CMTR1: variants seen among roughly 807,000 people sequenced by gnomAD.
CMTR1 encodes cap-specific mRNA (nucleoside-2'-O-)-methyltransferase 1.
CMTR1 carries 39 observed loss-of-function variants against 107.0 expected under a neutral mutation model. That is an observed-to-expected ratio of 0.36 (90% CI 0.28 to 0.48). The LOEUF (loss-of-function observed/expected upper bound fraction) is 0.48, where lower values mean the gene tolerates loss of function less well. Ranked by LOEUF, CMTR1 falls within the 20% of genes least tolerant of loss-of-function variation. The pLI, the probability that CMTR1 is intolerant of heterozygous loss-of-function variation, is 0.99. For synonymous variants in CMTR1, 366 were observed against 379.5 expected (o/e 0.96, Z 0.41); for missense variants, 672 against 1,064.9 (o/e 0.63, Z 5.14).
chr6:37,470,851 T>G (rs1761608603), intron 13 of CMTR1, among the ~76,000 whole-genome samples, 170 bp from the exon 14 acceptor site: 1 of 152,176 alleles, frequency 6.6e-6, no homozygotes, highest in Non-Finnish European at 1.5e-5. Flanking sequence ...CATCCTTCAG[T>G]AAGCCCCACA....
chr6:37,431,485 A>G (rs2776901), upstream of CMTR1, among the ~76,000 whole-genome samples: 24,341 of 152,176 alleles, frequency 0.16, 4,611 homozygotes, highest in African/African-American at 0.46. Flanking sequence ...GTAAATATCT[A>G]TTGAGCACTG....
At chr6:37,464,933 GACAA>G (rs1761475515) in intron 13 of CMTR1, among the ~76,000 whole-genome samples, 2 of 121,534 alleles carry the variant, frequency 1.6e-5, no homozygotes, top group Non-Finnish European at 3.4e-5. Context: ...TGTGTGTACA[GACAA>G]ACAATAAAAC....
intron 13 of CMTR1, among the ~76,000 whole-genome samples, chr6:37,465,381 T>C (rs1561789661): frequency 6.6e-6 from 1 of 152,208 alleles, no homozygotes; most frequent in Non-Finnish European, 1.5e-5. Context: ...CATTTGGTAT[T>C]ATCAGTCTTT....
chr6:37,441,657 G>A (rs915173854), intron 2 of CMTR1, among the ~76,000 whole-genome samples: 15 of 152,070 alleles, frequency 9.9e-5, no homozygotes, highest in African/African-American at 2.7e-4. Flanking sequence ...CAGGTGATCC[G>A]CCCGCCTCGC....
At chr6:37,449,271 T>TTGTTATGTTA (rs71542111) in intron 4 of CMTR1, among the ~76,000 whole-genome samples, 46,068 of 145,106 alleles carry the variant, frequency 0.32, 7,691 homozygotes, top group Middle Eastern at 0.38. Context: ...ATTTTATGTT[T>TTGTTATGTTA]TGTTATGTTA....
At chr6:37,478,330 G>A in intron 21 of CMTR1, 79 bp from the exon 22 acceptor site, 2 of 1,101,458 alleles carry the variant, frequency 1.8e-6, no homozygotes, top group Non-Finnish European at 1.4e-6. Context: ...TGCAGTTGGG[G>A]TGATTTTATT....
chr6:37,428,057 A>AGAGAGAGG, the CMTR1 span, among the ~76,000 whole-genome samples: 729 of 143,136 alleles, frequency 5.1e-3, 9 homozygotes, highest in South Asian at 0.012. Flanking sequence ...AGAGAGAGAG[A>AGAGAGAGG]GAGAAACTCT....
intron 23 of CMTR1, among the ~76,000 whole-genome samples, chr6:37,479,573 G>T (rs1761814006): frequency 6.6e-6 from 1 of 152,222 alleles, no homozygotes; most frequent in South Asian, 2.1e-4. Context: ...TGGCCTGATG[G>T]TGGGAACCTG....
intron 2 of CMTR1, among the ~76,000 whole-genome samples, chr6:37,443,498 G>A (rs1771718820): frequency 6.6e-6 from 1 of 152,006 alleles, no homozygotes; most frequent in Non-Finnish European, 1.5e-5. Context: ...TGGATTACAG[G>A]CACGCACTAC....
At position 37,461,588 on chromosome 6, in the gene CMTR1, C is replaced by T. The variant is rs763480457; in HGVS notation, c.1135C>T (p.Leu379Phe). The T allele has an allele frequency of 5.6e-6, 9 of 1,611,554 alleles. No homozygotes were observed. The Admixed American group carries it at 1.3e-4, about 24-fold the overall frequency. ...GGGGCAGGAGAACCTGCAGGAGATC[C>T]TCAGCAAGCAGCTGCTTCTGTGTCA... ...VEGQENLQEI[L>F]SKQLLLCQFL... is the part of the protein sequence containing the mutation. The change falls in exon 11 of 24, where the codon CTC becomes TTC. Residue 379 changes from leucine (L) to phenylalanine (F), a missense_variant. Physicochemically the swap from Leu to Phe is conservative, Grantham distance 22. Transcript: ENST00000373451.
chr6:37,436,549 G>A (rs890069961), intron 2 of CMTR1, among the ~76,000 whole-genome samples: 3 of 152,198 alleles, frequency 2.0e-5, no homozygotes, highest in Admixed American at 6.5e-5. Flanking sequence ...TCCCTCAAAG[G>A]CTCTTGGGAA....
At chr6:37,461,891 A>G (rs1212277062) in intron 11 of CMTR1, 79 bp from the exon 12 acceptor site, 1 of 1,510,572 alleles carries the variant, frequency 6.6e-7, no homozygotes, top group African/African-American at 1.4e-5. Flanking sequence ...TGACTTTGTC[A>G]TATTTACTCC....
At chr6:37,457,081 G>A (rs868323088) in intron 8 of CMTR1, among the ~76,000 whole-genome samples, 24 of 151,748 alleles carry the variant, frequency 1.6e-4, no homozygotes, top group African/African-American at 3.9e-4. Flanking sequence ...TTTGTTGAGC[G>A]TGGTGGTGTG....
chr6:37,448,535 A>G (rs1311033869), intron 4 of CMTR1, among the ~76,000 whole-genome samples: 3 of 152,236 alleles, frequency 2.0e-5, no homozygotes, highest in Non-Finnish European at 2.9e-5. Flanking sequence ...AGATTTGACC[A>G]GGAGAAGAAG....
chr6:37,429,566 A>G (rs1054766323), upstream of CMTR1, among the ~76,000 whole-genome samples: 1 of 152,236 alleles, frequency 6.6e-6, no homozygotes, highest in African/African-American at 2.4e-5. Context: ...ATACAAAAAT[A>G]ATCTGATTGG....
chr6:37,446,997 ACT>A (rs1354974409), intron 4 of CMTR1, among the ~76,000 whole-genome samples: 2 of 152,074 alleles, frequency 1.3e-5, no homozygotes, highest in Admixed American at 6.5e-5. Flanking sequence ...ACCAAAGGAA[ACT>A]CTCATTATCC....
At chr6:37,459,387 G>A (rs1761358288) in intron 9 of CMTR1, among the ~76,000 whole-genome samples, 179 bp from the exon 10 acceptor site, 1 of 152,222 alleles carries the variant, frequency 6.6e-6, no homozygotes, top group South Asian at 2.1e-4. Context: ...TTGGGACTGT[G>A]TTTCATTATA....
chr6:37,441,666 G>A (rs1285851219), intron 2 of CMTR1, among the ~76,000 whole-genome samples: 4 of 152,076 alleles, frequency 2.6e-5, no homozygotes, highest in South Asian at 4.1e-4. Flanking sequence ...CGCCCGCCTC[G>A]CCTCCCAAAT....
At chr6:37,441,873 C>T (rs1424776563) in intron 2 of CMTR1, among the ~76,000 whole-genome samples, 2 of 152,132 alleles carry the variant, frequency 1.3e-5, no homozygotes, top group Non-Finnish European at 2.9e-5. Context: ...GTGACGTTTG[C>T]CAGATTGGTT....
Sources: allele counts gnomAD v4.1 joint callset (sites outside exome capture counted in the v4.1 genomes callset), GRCh38; gene constraint gnomAD v4.1.1; transcripts MANE v1.5; gene names NCBI Gene and HGNC (gene_info 2026-07-23, HGNC 2026-07-21).